The following BABAM2 variants were observed in gnomAD, a reference collection of about 807,000 sequenced individuals.
The protein encoded by BABAM2 is BRISC and BRCA1-A complex member 2.
BABAM2 carries 31 observed loss-of-function variants against 54.7 expected under a neutral mutation model. The ratio of observed to expected loss-of-function variants is 0.57; its 90% CI spans 0.43 to 0.77. The LOEUF is 0.77. BABAM2 is among the 30% of genes least tolerant of loss of function. BABAM2 has a pLI of 0.00. For missense variants in BABAM2, 364 were observed against 455.8 expected, an observed-to-expected ratio of 0.80 and a Z score of 1.83; for synonymous variants, 167 against 162.9, an observed-to-expected ratio of 1.03 and a Z score of -0.19.
chr2:28,181,051 A>C (rs1675571149), intron 7 of BABAM2, among the ~76,000 whole-genome samples: 1 of 152,186 alleles, frequency 6.6e-6, no homozygotes, highest in African/African-American at 2.4e-5. Context: ...AACAGTATGG[A>C]GGTTTCTTGC....
At chr2:28,114,359 T>C (rs1287779935) in intron 6 of BABAM2, among the ~76,000 whole-genome samples, 1 of 152,178 alleles carries the variant, frequency 6.6e-6, no homozygotes, top group Admixed American at 6.5e-5. Context: ...ATCTCTTTTC[T>C]TTTAAAAGCA....
chr2:28,087,693 G>A (rs1214750921), intron 6 of BABAM2, among the ~76,000 whole-genome samples: 2 of 151,750 alleles, frequency 1.3e-5, no homozygotes, highest in African/African-American at 4.8e-5. Flanking sequence ...CTGTCGCCCA[G>A]GTTGGAGTGC....
chr2:27,984,935 G>A (rs115557189), intron 3 of BABAM2, among the ~76,000 whole-genome samples: 11,832 of 151,984 alleles, frequency 0.078, 786 homozygotes, highest in African/African-American at 0.18. Context: ...ATGTGTGAGA[G>A]CATACAATGT....
chr2:28,327,253 CCTT>C (rs773218150), intron 11 of BABAM2: 2 of 1,589,458 alleles, frequency 1.3e-6, no homozygotes, highest in East Asian at 2.3e-5. Context: ...TTCTCCTCCT[CCTT>C]CTCATCTGCT....
At chr2:27,957,025 A>G (rs529636585) in intron 3 of BABAM2, among the ~76,000 whole-genome samples, 3 of 152,330 alleles carry the variant, frequency 2.0e-5, no homozygotes, top group Non-Finnish European at 4.4e-5. Flanking sequence ...CCTAAAGTAT[A>G]TCATGACTAA....
rs532485115 is a variant in BABAM2, at chr2:27,916,845, T to C, written c.129-12987T>C. 7.2e-5 allele frequency among the ~76,000 whole-genome samples: 11 copies of C among 152,336 alleles called. No homozygotes were observed. The South Asian group carries it at 2.3e-3, about 32-fold the overall frequency. Reference sequence around the variant, plus strand: ...TGTGTTTATTTTCTTTAACCACTAATTTGGCAATTAATCATGTTAATTGCT... The same window carrying C: ...TGTGTTTATTTTCTTTAACCACTAACTTGGCAATTAATCATGTTAATTGCT... On this transcript the variant is annotated intron_variant, in intron 2 of 11. Coordinates refer to ENST00000379624, the MANE Select transcript of BABAM2 (RefSeq NM_199191.3).
chr2:28,146,824 A>G (rs555810571), intron 7 of BABAM2, among the ~76,000 whole-genome samples: 2 of 152,328 alleles, frequency 1.3e-5, no homozygotes, highest in East Asian at 3.9e-4. Flanking sequence ...AGCCATTTCT[A>G]GGAATTTTAA....
rs562463161 is a variant in BABAM2, at chr2:28,177,191, A to G, written c.680+47811A>G. Among the ~76,000 whole-genome samples, 77 of 152,310 alleles carry G rather than the reference A, an allele frequency of 5.1e-4. 2 individuals are homozygous for G. Among genetic ancestry groups the G allele is most frequent in the African/African-American group, 1.8e-3 (74 of 41,576 alleles). On this transcript the variant is annotated intron_variant, in intron 7 of 11. Transcript: ENST00000379624. ...TCTAGTCACATGTAAGGAAACCTCC[A>G]TCAGACTAACAAGAGATTTCTCAGC...
At chr2:28,161,613 G>C (rs1448388607) in intron 7 of BABAM2, among the ~76,000 whole-genome samples, 2 of 152,094 alleles carry the variant, frequency 1.3e-5, no homozygotes, top group Non-Finnish European at 2.9e-5. Flanking sequence ...CTGTCTATCA[G>C]ACCTGTCCAG....
intron 7 of BABAM2, among the ~76,000 whole-genome samples, chr2:28,184,913 A>C (rs1202803987): frequency 2.0e-5 from 3 of 152,188 alleles, no homozygotes; most frequent in Non-Finnish European, 4.4e-5. Flanking sequence ...GCTTTAATTA[A>C]GTCACTTATT....
intron 10 of BABAM2, among the ~76,000 whole-genome samples, chr2:28,294,008 A>G (rs540174703): frequency 3.2e-4 from 48 of 152,346 alleles, no homozygotes; most frequent in African/African-American, 1.1e-3. Flanking sequence ...AGTTGTCAAA[A>G]TAATACTGAC....
At chr2:27,987,621 C>G (rs148070279) in intron 3 of BABAM2, among the ~76,000 whole-genome samples, 1 of 151,910 alleles carries the variant, frequency 6.6e-6, no homozygotes, top group South Asian at 2.1e-4. Flanking sequence ...TCGAGACCAG[C>G]CTGCACAACA....
chr2:28,181,601 A>G (rs144410439), intron 7 of BABAM2, among the ~76,000 whole-genome samples: 37 of 152,316 alleles, frequency 2.4e-4, no homozygotes, highest in African/African-American at 8.2e-4. Context: ...ACTCAAAGTG[A>G]TAGATACCCT....
chr2:27,934,420 C>A (rs1020141476), intron 3 of BABAM2, among the ~76,000 whole-genome samples: 6 of 152,144 alleles, frequency 3.9e-5, no homozygotes, highest in African/African-American at 1.4e-4. Flanking sequence ...ACTGATCGTC[C>A]TTTTTCCTTT....
At position 28,067,294 on chromosome 2, in the gene BABAM2, G is replaced by A. The variant is rs369411988; in HGVS notation, c.570+21495G>A. 1.2e-4 allele frequency among the ~76,000 whole-genome samples: 18 copies of A among 152,306 alleles called. 2 individuals carry two copies. The highest frequency in any genetic ancestry group is 9.1e-4 in the Admixed American group (14 of 15,302). On this transcript the variant is annotated intron_variant, in intron 6 of 11. Coordinates refer to ENST00000379624, the MANE Select transcript of BABAM2 (RefSeq NM_199191.3). ...AGGTAGGCAGAGAGATAGAAAGATA[G>A]TTAGATACTCAGATCTATAATAATA...
At chr2:27,923,416 C>A (rs140257911) in intron 2 of BABAM2, among the ~76,000 whole-genome samples, 1 of 150,102 alleles carries the variant, frequency 6.7e-6, no homozygotes, top group Non-Finnish European at 1.5e-5. Flanking sequence ...GTCAGGAATT[C>A]GAGACCAGCC....
At chr2:27,972,344 T>C (rs1671277112) in intron 3 of BABAM2, among the ~76,000 whole-genome samples, 1 of 152,198 alleles carries the variant, frequency 6.6e-6, no homozygotes, top group Admixed American at 6.5e-5. Flanking sequence ...ATTTTCTGTT[T>C]CAATATAAGA....
intron 6 of BABAM2, among the ~76,000 whole-genome samples, chr2:28,090,660 G>A (rs1188001877): frequency 6.6e-6 from 1 of 152,140 alleles, no homozygotes; most frequent in Admixed American, 6.5e-5. Flanking sequence ...ATTCCCCGGG[G>A]ATTATTATAC....
intron 7 of BABAM2, among the ~76,000 whole-genome samples, chr2:28,165,112 TC>T (rs1673507640): frequency 6.6e-6 from 1 of 152,228 alleles, no homozygotes; most frequent in African/African-American, 2.4e-5. Flanking sequence ...AAAACAGACA[TC>T]GTCTTTGCCT....
Sources: allele counts gnomAD v4.1 joint callset (sites outside exome capture counted in the v4.1 genomes callset), GRCh38; gene constraint gnomAD v4.1.1; transcripts MANE v1.5; gene names NCBI Gene and HGNC (gene_info 2026-07-23, HGNC 2026-07-21).